The following FBLN1 variants were observed in gnomAD, a reference collection of about 807,000 sequenced individuals.
FBLN1 encodes the protein fibulin 1.
Under a neutral mutation model 89.7 loss-of-function variants are expected in FBLN1, and 34 were observed. That is an observed-to-expected ratio of 0.38 (90% CI 0.29 to 0.50). FBLN1 has a LOEUF of 0.50. FBLN1 is among the 20% of genes least tolerant of loss of function. The pLI, the probability that FBLN1 is intolerant of heterozygous loss-of-function variation, is 0.92. For synonymous variants in FBLN1, 393 were observed against 391.3 expected, an observed-to-expected ratio of 1.00 and a Z score of -0.05; for missense variants, 777 against 988.1, an observed-to-expected ratio of 0.79 and a Z score of 2.86.
intron 14 of FBLN1, among the ~76,000 whole-genome samples, chr22:45,555,252 T>C (rs2088771138): frequency 2.4e-5 from 1 of 40,890 alleles, no homozygotes; most frequent in Non-Finnish European, 7.7e-5. Context: ...AATATACATA[T>C]ATATATATAT....
rs1049103516 is a variant in FBLN1 at position 45,572,820 on chromosome 22, A to G, written c.1698-1691A>G. On this transcript the variant is annotated intron_variant, in intron 14 of 16. Coordinates refer to ENST00000327858, the MANE Select transcript of FBLN1 (RefSeq NM_006486.3). The surrounding 1 kb of genome is among the most constrained non-coding windows in gnomAD (Gnocchi z 5.8). ...CTGGCTGCCAATGTCCAAGAAATCC[A>G]GTGGACAGAGGACCATGCTGAACTG... Among the ~76,000 whole-genome samples, 3 of 152,276 alleles carry G rather than the reference A, an allele frequency of 2.0e-5. No individual in the cohort carries two copies. The highest frequency in any genetic ancestry group is 7.2e-5 in the African/African-American group (3 of 41,486).
Position 45,563,471 on chromosome 22 carries a change from G to A in FBLN1, c.1698-11040G>A. The A allele has an allele frequency of 1.8e-6, 2 of 1,098,728 alleles. No individual in the cohort carries two copies. Among genetic ancestry groups the A allele is most frequent in the Non-Finnish European group, 1.3e-6 (1 of 785,562 alleles). The allele number at this position is 1,098,728 out of a possible 1,614,324, so 68.1% of individuals were successfully genotyped here. ...CCTGGTACCCCCGAGGGCTGACTGA[G>A]GAGCGCTCCCCACTAGAGGGTGTGT... On this transcript the variant is annotated intron_variant, in intron 14 of 16. Coordinates refer to ENST00000327858, the MANE Select transcript of FBLN1 (RefSeq NM_006486.3). This position sits in a 1 kb window ranked among gnomAD's most constrained non-coding sequence, Gnocchi z 5.7.
chr22:45,557,569 T>C lies in FBLN1; in HGVS notation c.1697+6954T>C, dbSNP rs1055077672. 1.3e-5 allele frequency among the ~76,000 whole-genome samples: 2 copies of C among 152,196 alleles called. No homozygotes were observed. The highest frequency in any genetic ancestry group is 2.9e-5 in the Non-Finnish European group (2 of 68,034). On this transcript the variant is annotated intron_variant, in intron 14 of 16. Coordinates refer to ENST00000327858, the MANE Select transcript of FBLN1 (RefSeq NM_006486.3). This position sits in a 1 kb window ranked among gnomAD's most constrained non-coding sequence, Gnocchi z 4.9. ...CCACCATGGCCACTTTGTTCATGGG[T>C]CCATTGGGCAATGACAGGGGTGGCT...
chr22:45,551,130 C>T (rs904727133), intron 14 of FBLN1: 11 of 238,280 alleles, frequency 4.6e-5, no homozygotes, highest in Non-Finnish European at 4.2e-5. Flanking sequence ...AGATCCTAAA[C>T]GTGGGGCTGC....
intron 14 of FBLN1, among the ~76,000 whole-genome samples, chr22:45,569,033 C>T (rs998809119): frequency 2.0e-5 from 3 of 152,158 alleles, no homozygotes; most frequent in Non-Finnish European, 4.4e-5. Context: ...GGATCAGGGC[C>T]CACCCTACTC....
intron 14 of FBLN1, among the ~76,000 whole-genome samples, chr22:45,569,003 A>G (rs903309055): frequency 4.6e-5 from 7 of 152,196 alleles, no homozygotes; most frequent in Non-Finnish European, 8.8e-5. Flanking sequence ...CCCTCTTCTT[A>G]TAAGGATAAC....
At chr22:45,546,949 C>A in intron 11 of FBLN1, 136 bp from the exon 12 acceptor site, 2 of 1,401,540 alleles carry the variant, frequency 1.4e-6, no homozygotes, top group Admixed American at 1.7e-5. Flanking sequence ...GGCCACACCC[C>A]CCGGGACCTC....
intron 8 of FBLN1, 137 bp downstream of exon 8, chr22:45,535,474 G>C: frequency 1.0e-6 from 1 of 961,266 alleles, no homozygotes; most frequent in Admixed American, 2.0e-5. Flanking sequence ...TAAAGGGCTG[G>C]ACAGCAAATA....
At chr22:45,573,011 G>A (rs903758784) in intron 14 of FBLN1, among the ~76,000 whole-genome samples, 1 of 152,102 alleles carries the variant, frequency 6.6e-6, no homozygotes, top group Non-Finnish European at 1.5e-5. Flanking sequence ...TGGGTCACCT[G>A]AGGTCAGGAG....
intron 14 of FBLN1, chr22:45,558,036 G>T: frequency 2.8e-6 from 2 of 715,650 alleles, no homozygotes; most frequent in Non-Finnish European, 5.2e-6. Context: ...AGAATGATCT[G>T]TGAACCAGGC....
Position 45,597,916 on chromosome 22 carries a change from C to A in FBLN1, c.1973-2391C>A, listed in dbSNP as rs1000049107. On this transcript the variant is annotated intron_variant, in intron 16 of 16. Coordinates refer to ENST00000327858, the MANE Select transcript of FBLN1 (RefSeq NM_006486.3). The surrounding 1 kb of genome is among the most constrained non-coding windows in gnomAD (Gnocchi z 4.2). ...AAGGGGGGAACGTTGTGCCCAGATT[C>A]TCTTTCTGAGCGTGAACTTGATGTT... Among the ~76,000 whole-genome samples, 2 of 152,144 alleles carry A rather than the reference C, an allele frequency of 1.3e-5. No individual in the cohort carries two copies.
intron 1 of FBLN1, chr22:45,517,646 TC>T (rs1569235403): frequency 2.1e-6 from 1 of 471,108 alleles, no homozygotes; most frequent in East Asian, 6.9e-5. Context: ...GCCAGTCCTG[TC>T]CTCACCAGAC....
intron 12 of FBLN1, among the ~76,000 whole-genome samples, chr22:45,548,111 C>G (rs2088655040): frequency 6.6e-6 from 1 of 152,170 alleles, no homozygotes; most frequent in South Asian, 2.1e-4. Flanking sequence ...GGCAGTGGTA[C>G]AAACACGGCT....
rs2089198874 is a variant in FBLN1, at chr22:45,597,744, G to A, written c.1973-2563G>A. 1.3e-5 allele frequency among the ~76,000 whole-genome samples: 2 copies of A among 152,204 alleles called. No individual in the cohort carries two copies. The highest frequency in any genetic ancestry group is 1.3e-4 in the Admixed American group (2 of 15,286). On this transcript the variant is annotated intron_variant, in intron 16 of 16. Coordinates refer to ENST00000327858, the MANE Select transcript of FBLN1 (RefSeq NM_006486.3). This position sits in a 1 kb window ranked among gnomAD's most constrained non-coding sequence, Gnocchi z 4.2. ...AAAGCTTCAATGTCATCACCAGGTAGCAGGCAGAGCAAGGGTGCTGACAGC... is the reference window on the plus strand; with the variant it reads ...AAAGCTTCAATGTCATCACCAGGTAACAGGCAGAGCAAGGGTGCTGACAGC...
Position 45,527,990 on chromosome 22 carries a change from CG to C in FBLN1, c.470del (p.Gly157AlafsTer20). On this transcript the variant is annotated frameshift_variant, in exon 4 of 17. Transcript: ENST00000327858. LOFTEE classifies it high-confidence loss of function. ...KSQETGDLDV[G>X]GLQETDKIIE... The stretch of plus-strand genomic sequence containing the variant: ...GCCAGGAGACCGGAGATTTGGATGT[CG>C]GGGGCCTCCAAGAAACGGGTAACTT... 1 of 1,614,196 alleles carries C rather than the reference CG, an allele frequency of 6.2e-7. No individual in the cohort carries two copies. Among genetic ancestry groups the C allele is most frequent in the Non-Finnish European group, 8.5e-7 (1 of 1,180,026 alleles).
In FBLN1 at chr22:45,600,964, G is replaced by A. The variant is rs1920926656; in HGVS notation, c.*518G>A. ...AATGCCTCGGGGAGCACTTGGAAGG[G>A]AAATTGCAGTTCTGTTGAAATAGAG... is the stretch of plus-strand genomic sequence containing the variant. On this transcript the variant is annotated 3_prime_UTR_variant, in exon 17 of 17. Transcript: ENST00000327858. The A allele has an allele frequency of 5.5e-6, 1 of 183,106 alleles. No homozygotes were observed. Among genetic ancestry groups the A allele is most frequent in the Non-Finnish European group, 1.2e-5 (1 of 86,800 alleles). The allele number at this position is 183,106 out of a possible 1,614,324, so 11.3% of individuals were successfully genotyped here.
chr22:45,590,392 G>A lies in FBLN1; in HGVS notation c.1973-9915G>A, dbSNP rs887282736. On this transcript the variant is annotated intron_variant, in intron 16 of 16. Coordinates refer to ENST00000327858, the MANE Select transcript of FBLN1 (RefSeq NM_006486.3). The surrounding 1 kb of genome is among the most constrained non-coding windows in gnomAD (Gnocchi z 4.1). Reference sequence around the variant, plus strand: ...CCCTTCGTGGCCCCCTCACCTTGGGGGATTGCAAGGGGTTCAGTGTGGCTG... The same window carrying A: ...CCCTTCGTGGCCCCCTCACCTTGGGAGATTGCAAGGGGTTCAGTGTGGCTG... Among the ~76,000 whole-genome samples, 2 of 152,240 alleles carry A rather than the reference G, an allele frequency of 1.3e-5. No individual in the cohort carries two copies. Among genetic ancestry groups the A allele is most frequent in the Admixed American group, 6.5e-5 (1 of 15,286 alleles).
In FBLN1 at chr22:45,562,922, C is replaced by T. The variant is rs1430507676; in HGVS notation, c.1698-11589C>T. 4 of 1,613,890 alleles carry T rather than the reference C, an allele frequency of 2.5e-6. No individual in the cohort carries two copies. Among genetic ancestry groups the T allele is most frequent in the Admixed American group, 1.7e-5 (1 of 60,032 alleles). ...CCACTTTTCTTGCAGCCGCTGTGAG[C>T]GCTTGCCTTGCCATGAGAATCGGGA... On this transcript the variant is annotated intron_variant, in intron 14 of 16. Coordinates refer to ENST00000327858, the MANE Select transcript of FBLN1 (RefSeq NM_006486.3). This position sits in a 1 kb window ranked among gnomAD's most constrained non-coding sequence, Gnocchi z 7.8.
At chr22:45,533,630 G>A (rs928596435) in intron 6 of FBLN1, 131 bp from the exon 7 acceptor site, 16 of 1,001,112 alleles carry the variant, frequency 1.6e-5, no homozygotes, top group Non-Finnish European at 2.5e-5. Context: ...ATGTGCACAT[G>A]GTGGACCTGA....
Sources: allele counts gnomAD v4.1 joint callset (sites outside exome capture counted in the v4.1 genomes callset), GRCh38; gene constraint gnomAD v4.1.1; non-coding constraint Gnocchi (gnomAD v3.1); transcripts MANE v1.5; gene names NCBI Gene and HGNC (gene_info 2026-07-23, HGNC 2026-07-21).